The following TGM6 variants were observed in gnomAD, a reference collection of about 807,000 sequenced individuals.
The protein encoded by TGM6 is transglutaminase 6.
Under a neutral mutation model 77.5 loss-of-function variants are expected in TGM6, and 74 were observed. The observed-to-expected ratio is 0.96, with a 90% CI of 0.79 to 1.16. The LOEUF is 1.16. Ranked by LOEUF, TGM6 falls within the 50% of genes most tolerant of loss-of-function variation. The pLI is 0.00. For missense variants in TGM6, 968 were observed against 940.2 expected (o/e 1.03, Z -0.39); for synonymous variants, 383 against 378.9 (o/e 1.01, Z -0.12).
intron 10 of TGM6, among the ~76,000 whole-genome samples, chr20:2,427,240 T>G (rs150844484): frequency 4.6e-5 from 7 of 152,330 alleles, no homozygotes; most frequent in African/African-American, 1.7e-4. Context: ...TTTTTTTCTT[T>G]CAAGAACTGG....
intron 1 of TGM6, 66 bp from the exon 2 acceptor site, chr20:2,394,386 G>C: frequency 6.4e-7 from 1 of 1,567,202 alleles, no homozygotes; most frequent in Non-Finnish European, 8.7e-7. Context: ...TGAATGGGAG[G>C]ACAAGCTCAG....
chr20:2,416,193 C>T (rs1599960193), intron 9 of TGM6, among the ~76,000 whole-genome samples: 2 of 152,082 alleles, frequency 1.3e-5, no homozygotes, highest in African/African-American at 2.4e-5. Context: ...GGCAGTATGC[C>T]CAGCATAGCA....
At chr20:2,385,762 C>A (rs2084590746) in intron 1 of TGM6, among the ~76,000 whole-genome samples, 1 of 152,170 alleles carries the variant, frequency 6.6e-6, no homozygotes, top group African/African-American at 2.4e-5. Context: ...AGAGCATCAG[C>A]TCCCCATTCC....
intron 11 of TGM6, 129 bp downstream of exon 11, chr20:2,430,729 G>A: frequency 6.3e-7 from 1 of 1,588,006 alleles, no homozygotes; most frequent in East Asian, 2.2e-5. Context: ...TGGGAGGAGT[G>A]GGTTGGACAT....
Position 2,430,930 on chromosome 20 carries a change from G to C in TGM6, c.1870G>C (p.Val624Leu), listed in dbSNP as rs1177201888. ...GPAMVGVAVT[V>L]EVTVVNPLIE... ...AGCCATGGTGGGAGTGGCAGTTACA[G>C]TGGAAGTGACAGTAGTCAACCCCCT... Residue 624 changes from valine to leucine, a missense_variant, in exon 12 of 13, where the codon GTG becomes CTG. Val to Leu is a conservative substitution (Grantham distance 32). Transcript: ENST00000202625. 2.5e-6 allele frequency: 4 copies of C among 1,614,182 alleles called. No individual in the cohort carries two copies. Among genetic ancestry groups the C allele is most frequent in the Non-Finnish European group, 3.4e-6 (4 of 1,180,046 alleles).
At chr20:2,417,669 C>A (rs1008792584) in intron 10 of TGM6, 96 bp downstream of exon 10, 1 of 1,347,690 alleles carries the variant, frequency 7.4e-7, no homozygotes, top group Non-Finnish European at 1.0e-6. Flanking sequence ...TGCATTCATC[C>A]CCAGGAAGGA....
At chr20:2,403,301 G>T in intron 7 of TGM6, 96 bp from the exon 8 acceptor site, 1 of 1,304,904 alleles carries the variant, frequency 7.7e-7, no homozygotes, top group Non-Finnish European at 1.1e-6. Flanking sequence ...CACAGTTCTT[G>T]TGGAAAGTAG....
In TGM6 at chr20:2,403,397, G is replaced by C. The variant is rs764750878; in HGVS notation, c.990G>C (p.Trp330Cys). The change falls in exon 8 of 13, where the codon TGG becomes TGC. Residue 330 changes from tryptophan (W) to cysteine (C), a missense_variant and splice_region_variant. Trp to Cys is a radical substitution (Grantham distance 215). Coordinates refer to ENST00000202625, the MANE Select transcript of TGM6 (RefSeq NM_198994.3). ...TTCACCCATCCTCTCTCTGTGGCAGGAATTTCCATGTCTGGAATGAGAGCT... is the reference window on the plus strand; with the variant it reads ...TTCACCCATCCTCTCTCTGTGGCAGCAATTTCCATGTCTGGAATGAGAGCT... ...TLEDLTEDSM[W>C]NFHVWNESWF... The C allele has an allele frequency of 1.9e-5, 30 of 1,613,990 alleles. 1 individual carries two copies. In the Admixed American group the frequency reaches 4.5e-4, roughly 24 times the overall value.
intron 1 of TGM6, among the ~76,000 whole-genome samples, chr20:2,385,130 C>A (rs2084585786): frequency 6.6e-6 from 1 of 152,160 alleles, no homozygotes; most frequent in Admixed American, 6.5e-5. Flanking sequence ...GAATTTGTGC[C>A]TGGGCAGGAA....
intron 10 of TGM6, among the ~76,000 whole-genome samples, chr20:2,427,949 G>A (rs563474882): frequency 7.2e-5 from 11 of 152,158 alleles, no homozygotes; most frequent in African/African-American, 2.7e-4. Context: ...CATTTACTTC[G>A]AAATACTTTT....
intron 3 of TGM6, among the ~76,000 whole-genome samples, chr20:2,396,070 C>T (rs1189155142): frequency 6.6e-6 from 1 of 151,602 alleles, no homozygotes; most frequent in Non-Finnish European, 1.5e-5. Context: ...ATCCCAGCTA[C>T]TCGGGAGGCT....
At chr20:2,383,109 A>G (rs1470615475) in intron 1 of TGM6, among the ~76,000 whole-genome samples, 1 of 152,236 alleles carries the variant, frequency 6.6e-6, no homozygotes, top group Non-Finnish European at 1.5e-5. Flanking sequence ...GGCCCCAGAA[A>G]GGCCCCAGGC....
intron 10 of TGM6, among the ~76,000 whole-genome samples, chr20:2,422,967 G>T (rs1454368158): frequency 3.4e-5 from 4 of 117,834 alleles, no homozygotes; most frequent in Non-Finnish European, 7.0e-5. Flanking sequence ...AAAAAAAAAA[G>T]TTAACCATCT....
chr20:2,397,356 G>A (rs1042005287), intron 4 of TGM6, among the ~76,000 whole-genome samples: 2 of 152,176 alleles, frequency 1.3e-5, no homozygotes, highest in African/African-American at 2.4e-5. Flanking sequence ...TGACTGTCAG[G>A]CTGAGGAGTC....
At chr20:2,391,924 GTC>G (rs1218778967) in intron 1 of TGM6, among the ~76,000 whole-genome samples, 1 of 152,272 alleles carries the variant, frequency 6.6e-6, no homozygotes, top group East Asian at 1.9e-4. Context: ...GCTTCCTCCT[GTC>G]TCTCTGCCTA....
intron 10 of TGM6, among the ~76,000 whole-genome samples, chr20:2,424,054 G>C (rs545930630): frequency 6.4e-4 from 97 of 152,292 alleles, no homozygotes; most frequent in Non-Finnish European, 1.1e-3. Flanking sequence ...TGGCTTCGTT[G>C]TTCCTTTATG....
chr20:2,421,355 G>A (rs893690447), intron 10 of TGM6, among the ~76,000 whole-genome samples: 3 of 152,158 alleles, frequency 2.0e-5, no homozygotes, highest in Non-Finnish European at 1.5e-5. Context: ...GTATGTTTTG[G>A]TAAGAAACTG....
intron 1 of TGM6, 48 bp downstream of exon 1, chr20:2,381,023 G>A (rs559291637): frequency 3.1e-6 from 5 of 1,604,892 alleles, no homozygotes; most frequent in African/African-American, 1.3e-5. Context: ...CTCATGAGGG[G>A]GGCTTCAAGA....
chr20:2,407,047 C>T (rs2084757289), intron 9 of TGM6, among the ~76,000 whole-genome samples: 1 of 152,066 alleles, frequency 6.6e-6, no homozygotes, highest in Admixed American at 6.5e-5. Context: ...GTTTATTTTA[C>T]AGAGGAGAAG....
Sources: allele counts gnomAD v4.1 joint callset (sites outside exome capture counted in the v4.1 genomes callset), GRCh38; gene constraint gnomAD v4.1.1; transcripts MANE v1.5; gene names NCBI Gene and HGNC (gene_info 2026-07-23, HGNC 2026-07-21).